The following MAP4K3 variants were observed in gnomAD, a reference collection of about 807,000 sequenced individuals.
MAP4K3 encodes MAPK/ERK kinase kinase kinase 3.
A neutral mutation model predicts 143.5 loss-of-function variants in MAP4K3; 94 were observed. The ratio of observed to expected loss-of-function variants is 0.65; its 90% confidence interval spans 0.55 to 0.78. The LOEUF (loss-of-function observed/expected upper bound fraction) is 0.78, where lower values mean the gene tolerates loss of function less well. MAP4K3 is among the 30% of genes least tolerant of loss of function. The pLI, the probability that MAP4K3 is intolerant of heterozygous loss-of-function variation, is 0.00. For missense variants in MAP4K3, 1,077 were observed against 1,068.1 expected (o/e 1.01, Z -0.12); for synonymous variants, 416 against 347.2 (o/e 1.20, Z -2.20).
At chr2:39,390,808 G>C (rs1182021004) in intron 1 of MAP4K3, among the ~76,000 whole-genome samples, 1 of 151,670 alleles carries the variant, frequency 6.6e-6, no homozygotes, top group Non-Finnish European at 1.5e-5. Context: ...AAATACAACA[G>C]GATAGTTCAG....
chr2:39,342,273 G>A (rs1573175411), intron 4 of MAP4K3, among the ~76,000 whole-genome samples: 1 of 152,140 alleles, frequency 6.6e-6, no homozygotes, highest in South Asian at 2.1e-4. Flanking sequence ...GGAGTAGCTA[G>A]GATTACAAGC....
Position 39,290,330 on chromosome 2 carries a change from T to C in MAP4K3, c.1276A>G (p.Thr426Ala). 6.2e-7 allele frequency: 1 copy of C among 1,604,616 alleles called. No homozygotes were observed. Among genetic ancestry groups the C allele is most frequent in the Non-Finnish European group, 8.5e-7 (1 of 1,175,748 alleles). ...GGAGGTGGAATTTTTGCTTTCAGAG[T>C]TGAGCTAAAAACAGAAAAGTTTAGA... The part of the protein sequence containing the change: ...EGDDDESKHS[T>A]LKAKIPPPLP... Residue 426 changes from threonine (T) to alanine (A), a missense_variant, in exon 19 of 34, where the codon ACT becomes GCT. Thr to Ala is a moderately conservative substitution (Grantham distance 58). This residue lies in a region of MAP4K3 where 864 missense variants were observed against 801.2 expected (regional missense o/e 1.08). Transcript: ENST00000263881.
At chr2:39,363,826 A>G (rs1355704251) in intron 2 of MAP4K3, among the ~76,000 whole-genome samples, 2 of 151,910 alleles carry the variant, frequency 1.3e-5, no homozygotes, top group Non-Finnish European at 2.9e-5. Context: ...CAGTAATCAT[A>G]CTGGGGATTT....
chr2:39,286,581 T>C (rs901597414), intron 21 of MAP4K3, among the ~76,000 whole-genome samples: 6 of 152,238 alleles, frequency 3.9e-5, no homozygotes, highest in African/African-American at 1.4e-4. Context: ...AGCATTTATC[T>C]GTATAAAGAA....
intron 2 of MAP4K3, among the ~76,000 whole-genome samples, chr2:39,376,904 T>C (rs1390982873): frequency 1.3e-5 from 2 of 152,208 alleles, no homozygotes; most frequent in Non-Finnish European, 1.5e-5. Context: ...AAATTTCTTA[T>C]GAATTGAAGA....
intron 1 of MAP4K3, among the ~76,000 whole-genome samples, chr2:39,435,341 A>T (rs1401811387): frequency 6.6e-6 from 1 of 152,134 alleles, no homozygotes; most frequent in African/African-American, 2.4e-5. Flanking sequence ...CCGATCTCCT[A>T]ATGAGAACTA....
intron 23 of MAP4K3, among the ~76,000 whole-genome samples, chr2:39,279,878 A>G (rs1419805425): frequency 6.6e-6 from 1 of 152,138 alleles, no homozygotes; most frequent in Non-Finnish European, 1.5e-5. Context: ...GCATAAGGCC[A>G]GAAGTTTGAG....
chr2:39,312,167 T>C (rs1170770011), intron 13 of MAP4K3, among the ~76,000 whole-genome samples: 3 of 152,240 alleles, frequency 2.0e-5, no homozygotes, highest in Non-Finnish European at 4.4e-5. Context: ...AAGTATAAAC[T>C]AGCCAGAGTA....
chr2:39,392,183 C>CAAAAAAAAAA lies in MAP4K3; in HGVS notation c.97-14070_97-14061dup, dbSNP rs3086434. The stretch of plus-strand genomic sequence containing the variant: ...CTGGCAACAGAACGACACTCCTACT[C>CAAAAAAAAAA]AAAAAAAAAAAAAAAAAAAAAATTA... On this transcript the variant is annotated intron_variant, in intron 1 of 33. Transcript: ENST00000263881. 1.6e-3 allele frequency among the ~76,000 whole-genome samples: 111 copies of CAAAAAAAAAA among 69,030 alleles called. 7 individuals carry two copies. The highest frequency in any genetic ancestry group is 6.0e-3 in the African/African-American group (105 of 17,422). The allele number at this position is 69,030 out of a possible 152,430, so 45.3% of individuals were successfully genotyped here. A position where few individuals can be genotyped will look rare whatever the true frequency, so the allele number is the denominator to read the frequency against.
intron 29 of MAP4K3, among the ~76,000 whole-genome samples, chr2:39,260,157 A>G (rs1481173020): frequency 6.6e-6 from 1 of 152,190 alleles, no homozygotes; most frequent in Non-Finnish European, 1.5e-5. Context: ...TCTGTCACCC[A>G]GGGTGGAGTA....
Position 39,249,331 on chromosome 2 carries a change from A to G in MAP4K3, c.*1287T>C, listed in dbSNP as rs1310220789. On this transcript the variant is annotated 3_prime_UTR_variant, in exon 34 of 34. Coordinates refer to ENST00000263881, the MANE Select transcript of MAP4K3 (RefSeq NM_003618.4). ...ATATGTACAATCAGGAACATATTTT[A>G]AAACCATTATCATTAAAATAAATGA... 6.6e-6 allele frequency: 1 copy of G among 152,640 alleles called. No homozygotes were observed. Among genetic ancestry groups the G allele is most frequent in the Non-Finnish European group, 1.5e-5 (1 of 68,026 alleles). 9.5% of individuals were successfully genotyped at this position (152,640 alleles called of 1,614,324 possible). A position where few individuals can be genotyped will look rare whatever the true frequency, so the allele number is the denominator to read the frequency against.
chr2:39,254,476 G>A lies in MAP4K3; in HGVS notation c.2515C>T (p.Gln839Ter). The part of the protein sequence containing the change: ...SVLAFWKHGM[Q>*]GRSFRSNEVT... Reference sequence around the variant, plus strand: ...TCATTAGATCTAAAACTTCTACCTTGCATTCCATGTTTCCAGAAAGCTAGC... The same window carrying A: ...TCATTAGATCTAAAACTTCTACCTTACATTCCATGTTTCCAGAAAGCTAGC... Residue 839 changes from glutamine (Q) to a stop codon, truncating the protein, a stop_gained, in exon 32 of 34, where the codon CAA becomes TAA. Coordinates refer to ENST00000263881, the MANE Select transcript of MAP4K3 (RefSeq NM_003618.4). LOFTEE classifies it high-confidence loss of function. 1 of 1,613,808 alleles carries A rather than the reference G, an allele frequency of 6.2e-7. No individual in the cohort carries two copies.
In MAP4K3 at chr2:39,325,496, C is replaced by T. The variant is rs559007208; in HGVS notation, c.918+22G>A. On this transcript the variant is annotated intron_variant, in intron 12 of 33. Transcript: ENST00000263881. ...TACACATATACATGTTATATATGCC[C>T]GCTGGTAAAAGCAATTCCTACCTCA... 2.5e-5 allele frequency: 39 copies of T among 1,538,146 alleles called. No individual in the cohort carries two copies. In the East Asian group the frequency reaches 4.7e-4, roughly 19 times the overall value.
intron 1 of MAP4K3, among the ~76,000 whole-genome samples, chr2:39,400,841 T>C (rs140171602): frequency 5.9e-5 from 9 of 152,286 alleles, no homozygotes; most frequent in African/African-American, 1.7e-4. Flanking sequence ...AGAAAGCAGC[T>C]ATACCCTTTC....
intron 2 of MAP4K3, among the ~76,000 whole-genome samples, chr2:39,356,940 C>G (rs1665627575): frequency 6.6e-6 from 1 of 152,180 alleles, no homozygotes; most frequent in South Asian, 2.1e-4. Flanking sequence ...AAATTTATCT[C>G]CACAGGCTGT....
rs66729858 is a variant in MAP4K3 at position 39,345,921 on chromosome 2, C to CAAAAA, written c.246-2474_246-2470dup. On this transcript the variant is annotated intron_variant, in intron 3 of 33. Transcript: ENST00000263881. Reference sequence around the variant, plus strand: ...TGAGTGACAGAGCTAGACTCTGTCTCAAAAAAAAAAAAAAAAAAAAAAAAA... The same window carrying CAAAAA: ...TGAGTGACAGAGCTAGACTCTGTCTCAAAAAAAAAAAAAAAAAAAAAAAAAAAAAA... Among the ~76,000 whole-genome samples, 14 of 15,846 alleles carry CAAAAA rather than the reference C, an allele frequency of 8.8e-4. 1 individual carries two copies. Among genetic ancestry groups the CAAAAA allele is most frequent in the African/African-American group, 2.9e-3 (14 of 4,844 alleles). 10.4% of individuals were successfully genotyped at this position (15,846 alleles called of 152,430 possible). A position where few individuals can be genotyped will look rare whatever the true frequency, so the allele number is the denominator to read the frequency against.
chr2:39,328,082 G>C (rs1158234816), intron 8 of MAP4K3, among the ~76,000 whole-genome samples: 3 of 152,206 alleles, frequency 2.0e-5, no homozygotes, highest in African/African-American at 7.2e-5. Context: ...TGTAATCCTA[G>C]CACTTTGGGA....
chr2:39,402,069 A>G (rs946894935), intron 1 of MAP4K3, among the ~76,000 whole-genome samples: 1 of 152,220 alleles, frequency 6.6e-6, no homozygotes, highest in African/African-American at 2.4e-5. Flanking sequence ...CATATGTGCA[A>G]GAAGTGAAGA....
chr2:39,385,629 C>T (rs1666483938), intron 1 of MAP4K3, among the ~76,000 whole-genome samples: 1 of 126,104 alleles, frequency 7.9e-6, no homozygotes, highest in Non-Finnish European at 1.6e-5. Context: ...ATATGATTTG[C>T]AATTTTTTTT....
Sources: gnomAD v4.1 joint callset for allele counts (sites outside exome capture counted in the v4.1 genomes callset) on GRCh38, gnomAD v4.1.1 for gene constraint, gnomAD v4.1.1 regional missense constraint, MANE v1.5 for transcripts, NCBI Gene and HGNC (gene_info 2026-07-23, HGNC 2026-07-21) for gene names.